SLC24A4: variants seen among roughly 807,000 people sequenced by gnomAD.
SLC24A4 encodes sodium/potassium/calcium exchanger 4.
Under a neutral mutation model 79.0 loss-of-function variants are expected in SLC24A4, and 53 were observed. That is an observed-to-expected ratio of 0.67 (90% CI 0.54 to 0.84). The LOEUF is 0.84. Ranked by LOEUF, SLC24A4 falls within the 40% of genes least tolerant of loss-of-function variation. The pLI is 0.00. For missense variants in SLC24A4, 731 were observed against 822.0 expected (o/e 0.89, Z 1.35); for synonymous variants, 323 against 323.8 (o/e 1.00, Z 0.03).
chr14:92,423,735 G>A (rs1214133158), intron 2 of SLC24A4, among the ~76,000 whole-genome samples: 1 of 152,212 alleles, frequency 6.6e-6, no homozygotes, highest in Admixed American at 6.5e-5. Context: ...GAGCCGGGAG[G>A]CTTCACAGCA....
chr14:92,330,521 A>G (rs1885413399), intron 2 of SLC24A4, among the ~76,000 whole-genome samples: 1 of 152,210 alleles, frequency 6.6e-6, no homozygotes, highest in African/African-American at 2.4e-5. Context: ...TGCCACATGT[A>G]TGATGTAGGA....
intron 2 of SLC24A4, among the ~76,000 whole-genome samples, chr14:92,368,012 T>A (rs1359157377): frequency 6.6e-6 from 1 of 152,194 alleles, no homozygotes; most frequent in Non-Finnish European, 1.5e-5. Context: ...CTTATTTAAC[T>A]CATTAATGAG....
rs912692686 is a variant in SLC24A4, at chr14:92,486,834, C to T, written c.1537+54C>T. The T allele has an allele frequency of 2.3e-5, 30 of 1,315,230 alleles. No individual in the cohort carries two copies. The South Asian group carries it at 2.8e-4, about 12-fold the overall frequency. 81.5% of individuals were successfully genotyped at this position (1,315,230 alleles called of 1,614,324 possible). Reference sequence around the variant, plus strand: ...CATGCAGTGCAGGCCACTGTGTCCTCGTCCCTGCCTGACTTACAGTTGACC... The same window carrying T: ...CATGCAGTGCAGGCCACTGTGTCCTTGTCCCTGCCTGACTTACAGTTGACC... On this transcript the variant is annotated intron_variant, in intron 14 of 16. Transcript: ENST00000532405.
At position 92,353,383 on chromosome 14, in the gene SLC24A4, A is replaced by G. The variant is rs1283974165; in HGVS notation, c.241+27405A>G. Among the ~76,000 whole-genome samples, 2 of 152,246 alleles carry G rather than the reference A, an allele frequency of 1.3e-5. No individual in the cohort carries two copies. Among genetic ancestry groups the G allele is most frequent in the East Asian group, 1.9e-4 (1 of 5,206 alleles). ...TGCATTTAGTTTATTGTTGTAGCGC[A>G]AGAGGGCAAAAAGCATTGTTGCCAT... On this transcript the variant is annotated intron_variant, in intron 2 of 16. Coordinates refer to ENST00000532405, the MANE Select transcript of SLC24A4 (RefSeq NM_153646.4). The surrounding 1 kb of genome is among the most constrained non-coding windows in gnomAD (Gnocchi z 4.1).
At position 92,425,875 on chromosome 14, in the gene SLC24A4, G is replaced by A. The variant is rs571153950; in HGVS notation, c.242-8037G>A. On this transcript the variant is annotated intron_variant, in intron 2 of 16. Coordinates refer to ENST00000532405, the MANE Select transcript of SLC24A4 (RefSeq NM_153646.4). ...TGCACACCTGTAGTCCCAGCTGCTT[G>A]GGAGGATGTGATGTGGGGGATCACC... Among the ~76,000 whole-genome samples the A allele has an allele frequency of 3.9e-5, 6 of 152,254 alleles. No individual in the cohort carries two copies. The East Asian group carries it at 1.2e-3, about 29-fold the overall frequency.
intron 7 of SLC24A4, 65 bp downstream of exon 7, chr14:92,443,539 C>A: frequency 6.7e-7 from 1 of 1,489,950 alleles, no homozygotes; most frequent in Non-Finnish European, 9.3e-7. Context: ...AGGACCCCTG[C>A]CCATCTCTGC....
chr14:92,394,053 C>T (rs1889638310), intron 2 of SLC24A4, among the ~76,000 whole-genome samples: 1 of 151,668 alleles, frequency 6.6e-6, no homozygotes, highest in South Asian at 2.1e-4. Flanking sequence ...CTATGTTGCC[C>T]AGGCTGGTCT....
intron 2 of SLC24A4, among the ~76,000 whole-genome samples, chr14:92,342,625 C>A (rs1313951491): frequency 6.6e-6 from 1 of 152,148 alleles, no homozygotes; most frequent in Non-Finnish European, 1.5e-5. Context: ...TCAGGTGATC[C>A]ACCCGCCTCG....
At chr14:92,484,067 G>A in intron 13 of SLC24A4, 6 of 985,346 alleles carry the variant, frequency 6.1e-6, no homozygotes, top group Non-Finnish European at 7.2e-6. Context: ...AAGTGGGGGT[G>A]ATCATCACTC....
intron 12 of SLC24A4, among the ~76,000 whole-genome samples, chr14:92,460,947 T>G (rs1180569188): frequency 6.6e-6 from 1 of 152,136 alleles, no homozygotes; most frequent in Non-Finnish European, 1.5e-5. Context: ...CTCTTCCCAC[T>G]TTAGACTGCA....
rs200314028 is a variant in SLC24A4 at position 92,390,380 on chromosome 14, T to C, written c.242-43532T>C. Among the ~76,000 whole-genome samples, 88 of 152,288 alleles carry C rather than the reference T, an allele frequency of 5.8e-4. 2 individuals carry two copies. The East Asian group carries it at 0.014, about 24-fold the overall frequency. ...TGCCTCCCACTTGGTTTCATCAGCCTGTCAGCCCTTGTTATATTTAAGATA... is the reference window on the plus strand; with the variant it reads ...TGCCTCCCACTTGGTTTCATCAGCCCGTCAGCCCTTGTTATATTTAAGATA... On this transcript the variant is annotated intron_variant, in intron 2 of 16. Coordinates refer to ENST00000532405, the MANE Select transcript of SLC24A4 (RefSeq NM_153646.4).
intron 12 of SLC24A4, 141 bp from the exon 13 acceptor site, chr14:92,482,539 C>A: frequency 1.4e-6 from 1 of 701,010 alleles, no homozygotes; most frequent in Non-Finnish European, 2.3e-6. Flanking sequence ...TTCTGTGATT[C>A]TGCAAGGTCA....
chr14:92,323,954 A>C lies in SLC24A4; in HGVS notation c.124A>C (p.Ser42Arg). The C allele has an allele frequency of 6.2e-7, 1 of 1,610,288 alleles. No individual in the cohort carries two copies. Among genetic ancestry groups the C allele is most frequent in the Admixed American group, 1.7e-5 (1 of 59,852 alleles). Residue 42 changes from serine to arginine, a missense_variant, in exon 1 of 17, where the codon AGC becomes CGC. Transcript: ENST00000532405. This position sits in a 1 kb window ranked among gnomAD's most constrained non-coding sequence, Gnocchi z 4.9. ...LVCCASGLFG[S>R]LGHKTASASK... ...GTGCTGTGCGTCCGGCCTCTTCGGC[A>C]GCTTGGGTGGGTGCTGGTACGGGTC...
intron 10 of SLC24A4, chr14:92,453,192 G>T (rs970679667): frequency 1.3e-5 from 2 of 152,210 alleles, no homozygotes; most frequent in Non-Finnish European, 2.9e-5. Context: ...GGGTCAGAGA[G>T]ACCAGCCTCC....
intron 2 of SLC24A4, among the ~76,000 whole-genome samples, chr14:92,422,376 T>C (rs1891336198): frequency 6.6e-6 from 1 of 152,232 alleles, no homozygotes; most frequent in African/African-American, 2.4e-5. Context: ...CATGAGAAAC[T>C]GTTATGTCAA....
In SLC24A4 at chr14:92,443,393, C is replaced by A. The variant is rs1177297612; in HGVS notation, c.583-7C>A. 6.2e-7 allele frequency: 1 copy of A among 1,614,076 alleles called. No individual in the cohort carries two copies. The highest frequency in any genetic ancestry group is 1.7e-4 in the Middle Eastern group (1 of 6,060). ...CATAGCAGCCAACGACGGGGCTCTG[C>A]TGGCAGGTGGTCCGTCTGACGTGGT... is the stretch of plus-strand genomic sequence containing the variant. On this transcript the variant is annotated splice_region_variant and splice_polypyrimidine_tract_variant and intron_variant, in intron 6 of 16. Transcript: ENST00000532405.
intron 2 of SLC24A4, among the ~76,000 whole-genome samples, chr14:92,338,089 C>T (rs1885916477): frequency 6.6e-6 from 1 of 152,144 alleles, no homozygotes; most frequent in South Asian, 2.1e-4. Flanking sequence ...CAAGAGATGA[C>T]CCAGATCACA....
At chr14:92,363,192 A>C (rs1382087778) in intron 2 of SLC24A4, among the ~76,000 whole-genome samples, 1 of 152,250 alleles carries the variant, frequency 6.6e-6, no homozygotes, top group African/African-American at 2.4e-5. Flanking sequence ...CCGTGCCTCG[A>C]GGACCAGCCT....
intron 12 of SLC24A4, among the ~76,000 whole-genome samples, chr14:92,472,562 C>T (rs1252737625): frequency 1.3e-5 from 2 of 152,208 alleles, no homozygotes; most frequent in Non-Finnish European, 2.9e-5. Context: ...ATCCAGGTTG[C>T]TGCAAATGCC....
Sources: gnomAD v4.1 joint callset for allele counts (sites outside exome capture counted in the v4.1 genomes callset) on GRCh38, gnomAD v4.1.1 for gene constraint, Gnocchi (gnomAD v3.1) non-coding constraint, MANE v1.5 for transcripts, NCBI Gene and HGNC (gene_info 2026-07-23, HGNC 2026-07-21) for gene names.